MATN2: variants seen among roughly 807,000 people sequenced by gnomAD.
The protein encoded by MATN2 is matrilin-2.
In MATN2, 69 loss-of-function variants were observed where a neutral mutation model predicts 103.2. That is an observed-to-expected ratio of 0.67 (90% CI 0.55 to 0.82). The LOEUF (loss-of-function observed/expected upper bound fraction) is 0.82, where lower values mean the gene tolerates loss of function less well. Among genes scored for constraint, MATN2 ranks in the 40% least tolerant of loss-of-function variants. MATN2 has a pLI of 0.00. For synonymous variants in MATN2, 429 were observed against 450.2 expected (o/e 0.95, Z 0.60); for missense variants, 1,023 against 1,211.5 (o/e 0.84, Z 2.31).
intron 11 of MATN2, among the ~76,000 whole-genome samples, chr8:98,017,708 C>G (rs1420022487): frequency 2.0e-5 from 3 of 152,222 alleles, no homozygotes; most frequent in African/African-American, 7.2e-5. Flanking sequence ...TGTTTCCATT[C>G]TGATATCAGA....
At chr8:97,898,918 T>A (rs1379687253) in intron 2 of MATN2, among the ~76,000 whole-genome samples, 1 of 152,012 alleles carries the variant, frequency 6.6e-6, no homozygotes, top group African/African-American at 2.4e-5. Flanking sequence ...CCAGCAATTT[T>A]TTTTTTTCAT....
At chr8:97,884,759 ACT>A (rs1818371217) in intron 1 of MATN2, among the ~76,000 whole-genome samples, 1 of 151,918 alleles carries the variant, frequency 6.6e-6, no homozygotes, top group Non-Finnish European at 1.5e-5. Flanking sequence ...CGACAGCGAG[ACT>A]CTGTCTCCAA....
intron 2 of MATN2, among the ~76,000 whole-genome samples, chr8:97,912,628 AG>A (rs1809485548): frequency 6.6e-6 from 1 of 152,024 alleles, no homozygotes; most frequent in Non-Finnish European, 1.5e-5. Context: ...GCAGAAGATG[AG>A]GGTGGGCCTG....
At chr8:97,920,673 G>A (rs1809779995) in intron 2 of MATN2, among the ~76,000 whole-genome samples, 1 of 152,186 alleles carries the variant, frequency 6.6e-6, no homozygotes, top group Admixed American at 6.5e-5. Context: ...GATGACTGGG[G>A]CATAAGGTGG....
intron 1 of MATN2, among the ~76,000 whole-genome samples, chr8:97,874,406 C>CTTCTTTTTTTTTTTTT (rs371042037): frequency 7.3e-6 from 1 of 136,102 alleles, no homozygotes; most frequent in African/African-American, 2.7e-5. Context: ...TCTTCTTCTT[C>CTTCTTTTTTTTTTTTT]TTTTTTTTTT....
chr8:97,877,782 AG>A (rs1237681480), intron 1 of MATN2, among the ~76,000 whole-genome samples: 2 of 152,224 alleles, frequency 1.3e-5, no homozygotes, highest in Non-Finnish European at 2.9e-5. Context: ...GATTAAGTTC[AG>A]CTGCAAGTTA....
intron 4 of MATN2, among the ~76,000 whole-genome samples, chr8:97,956,334 C>A (rs117405034): frequency 0.016 from 2,471 of 152,234 alleles, 47 homozygotes; most frequent in Non-Finnish European, 0.023. Context: ...CCTGCCACCA[C>A]ATCTGGCTAA....
At chr8:97,887,670 C>A (rs1248280335) in intron 1 of MATN2, among the ~76,000 whole-genome samples, 1 of 152,128 alleles carries the variant, frequency 6.6e-6, no homozygotes, top group Non-Finnish European at 1.5e-5. Context: ...TAATTGATGC[C>A]ATCTACTATT....
At chr8:97,876,280 C>G (rs1168029042) in intron 1 of MATN2, among the ~76,000 whole-genome samples, 1 of 151,054 alleles carries the variant, frequency 6.6e-6, no homozygotes, top group African/African-American at 2.4e-5. Context: ...ACCTCCGCCT[C>G]CCAGGTTCAA....
At chr8:97,972,074 T>C (rs943215095) in intron 5 of MATN2, among the ~76,000 whole-genome samples, 3 of 151,978 alleles carry the variant, frequency 2.0e-5, no homozygotes, top group Non-Finnish European at 4.4e-5. Context: ...CACACACCTG[T>C]AGTCCCAGCT....
intron 5 of MATN2, among the ~76,000 whole-genome samples, chr8:97,963,630 T>C (rs1811386718): frequency 6.6e-6 from 1 of 152,160 alleles, no homozygotes; most frequent in African/African-American, 2.4e-5. Flanking sequence ...TTATCGGAGA[T>C]GGGCGTTTCT....
At chr8:97,909,357 T>C (rs1819283306) in intron 2 of MATN2, among the ~76,000 whole-genome samples, 1 of 152,252 alleles carries the variant, frequency 6.6e-6, no homozygotes, top group Admixed American at 6.5e-5. Context: ...AGTGAGGTCA[T>C]GCAGTATTTG....
Position 98,016,524 on chromosome 8 carries a change from C to T in MATN2, c.1574-16C>T, listed in dbSNP as rs776872334. 2.3e-5 allele frequency: 36 copies of T among 1,599,062 alleles called. No individual in the cohort carries two copies. On this transcript the variant is annotated splice_polypyrimidine_tract_variant and intron_variant, in intron 10 of 18. Transcript: ENST00000254898. ...ATTTTCTTCTTCTGTTTCTCTAATT[C>T]CCATTTGATTCTCAGAATTGGACTC... is the stretch of plus-strand genomic sequence containing the variant.
intron 6 of MATN2, among the ~76,000 whole-genome samples, chr8:97,993,744 T>G (rs1478739614): frequency 6.6e-6 from 1 of 152,172 alleles, no homozygotes; most frequent in Non-Finnish European, 1.5e-5. Context: ...CAGGATATGA[T>G]TTTGTGTCTT....
intron 18 of MATN2, 118 bp downstream of exon 18, chr8:98,033,777 G>T (rs1182241859): frequency 2.2e-5 from 16 of 737,646 alleles, no homozygotes; most frequent in Non-Finnish European, 3.5e-5. Context: ...AAAGAACAGT[G>T]ATCTCCAGGA....
intron 2 of MATN2, among the ~76,000 whole-genome samples, chr8:97,900,395 G>T (rs1459824679): frequency 2.0e-5 from 3 of 152,208 alleles, no homozygotes; most frequent in African/African-American, 7.2e-5. Flanking sequence ...GGGGCCTTTA[G>T]AAAGGCATGA....
chr8:97,964,491 T>C (rs1811422288), intron 5 of MATN2, among the ~76,000 whole-genome samples: 1 of 151,894 alleles, frequency 6.6e-6, no homozygotes, highest in Non-Finnish European at 1.5e-5. Context: ...TCTTGCTCTG[T>C]TGCCCAGGCC....
chr8:97,910,967 C>A (rs989322895), intron 2 of MATN2, among the ~76,000 whole-genome samples: 3 of 151,976 alleles, frequency 2.0e-5, no homozygotes, highest in African/African-American at 2.4e-5. Flanking sequence ...CAAGGAACAT[C>A]TCTATTTAAC....
At chr8:98,004,338 G>C (rs1812893630) in intron 8 of MATN2, 1 of 158,744 alleles carries the variant, frequency 6.3e-6, no homozygotes, top group Non-Finnish European at 1.4e-5. Context: ...GCACTGCTAG[G>C]CATAAGCACT....
Sources: allele counts gnomAD v4.1 joint callset (sites outside exome capture counted in the v4.1 genomes callset), GRCh38; gene constraint gnomAD v4.1.1; transcripts MANE v1.5; gene names NCBI Gene and HGNC (gene_info 2026-07-23, HGNC 2026-07-21).